EBF1: variants seen among roughly 807,000 people sequenced by gnomAD.
EBF1 encodes EBF transcription factor 1.
Under a neutral mutation model 68.4 loss-of-function variants are expected in EBF1, and 10 were observed. The ratio of observed to expected loss-of-function variants is 0.15; its 90% CI spans 0.09 to 0.25. EBF1 has a LOEUF of 0.25. Among genes scored for constraint, EBF1 ranks in the 10% least tolerant of loss-of-function variants. The pLI, the probability that EBF1 is intolerant of heterozygous loss-of-function variation, is 1.00. For missense variants in EBF1, 509 were observed against 794.4 expected, an observed-to-expected ratio of 0.64 and a Z score of 4.32; for synonymous variants, 298 against 299.8, an observed-to-expected ratio of 0.99 and a Z score of 0.06.
intron 6 of EBF1, among the ~76,000 whole-genome samples, chr5:158,871,830 C>T (rs1582762811): frequency 6.6e-6 from 1 of 152,288 alleles, no homozygotes; most frequent in African/African-American, 2.4e-5. Flanking sequence ...AGGATCTCTT[C>T]CTACAGCAAT....
intron 9 of EBF1, among the ~76,000 whole-genome samples, chr5:158,794,655 C>T (rs1395065699): frequency 3.3e-5 from 5 of 152,182 alleles, no homozygotes; most frequent in East Asian, 3.9e-4. Flanking sequence ...ACAAGGAGTC[C>T]GTATTATATT....
intron 6 of EBF1, among the ~76,000 whole-genome samples, chr5:159,043,220 T>A (rs192742845): frequency 6.6e-6 from 1 of 152,184 alleles, no homozygotes. Context: ...CTTGGAACCC[T>A]TGTCCATCTG....
chr5:159,027,231 A>T (rs990021890), intron 6 of EBF1, among the ~76,000 whole-genome samples: 4 of 152,202 alleles, frequency 2.6e-5, no homozygotes, highest in Non-Finnish European at 5.9e-5. Flanking sequence ...GTGCTAGTTC[A>T]CACTGATGAC....
At position 159,096,246 on chromosome 5, in the gene EBF1, A is replaced by G. The variant is rs2128008029; in HGVS notation, c.355+97T>C. ...TCACCTCAAATAAAGCGGATGACTG[A>G]CCTTCGCTGGAGGATTTCGTCCACC... On this transcript the variant is annotated intron_variant, in intron 3 of 15. Transcript: ENST00000313708. 5 of 1,296,346 alleles carry G rather than the reference A, an allele frequency of 3.9e-6. No individual in the cohort carries two copies. The East Asian group carries it at 1.2e-4, about 32-fold the overall frequency. 80.3% of individuals were successfully genotyped at this position (1,296,346 alleles called of 1,614,324 possible). A position where few individuals can be genotyped will look rare whatever the true frequency, so the allele number is the denominator to read the frequency against.
chr5:158,983,823 G>T (rs1490228501), intron 6 of EBF1: 1 of 151,686 alleles, frequency 6.6e-6, no homozygotes, highest in African/African-American at 2.4e-5. Flanking sequence ...CCAGGCCTAG[G>T]ATAGTAATTT....
intron 6 of EBF1, among the ~76,000 whole-genome samples, chr5:158,841,510 G>A (rs948936457): frequency 1.3e-5 from 2 of 152,192 alleles, no homozygotes; most frequent in Admixed American, 1.3e-4. Flanking sequence ...CTGAATTCTT[G>A]TTGTAATTCA....
At chr5:158,899,770 A>G (rs1172688079) in intron 6 of EBF1, among the ~76,000 whole-genome samples, 1 of 152,310 alleles carries the variant, frequency 6.6e-6, no homozygotes, top group South Asian at 2.1e-4. Flanking sequence ...TATTGAATGG[A>G]ATATTCTAAA....
intron 10 of EBF1, among the ~76,000 whole-genome samples, chr5:158,737,333 G>C (rs1765427000): frequency 7.5e-6 from 1 of 132,978 alleles, no homozygotes; most frequent in Admixed American, 8.6e-5. Flanking sequence ...GCCCAGGGTG[G>C]AGTGCAGTGG....
At chr5:158,772,401 C>G (rs1456404943) in intron 10 of EBF1, among the ~76,000 whole-genome samples, 1 of 152,100 alleles carries the variant, frequency 6.6e-6, no homozygotes, top group Non-Finnish European at 1.5e-5. Context: ...ATAGGCTGTA[C>G]TCCTGTTGCT....
intron 8 of EBF1, among the ~76,000 whole-genome samples, chr5:158,801,194 G>A (rs958861703): frequency 1.3e-5 from 2 of 151,936 alleles, no homozygotes; most frequent in African/African-American, 4.8e-5. Flanking sequence ...AAATGCTCAT[G>A]GCACATTGCA....
chr5:159,005,043 C>A (rs560405219), intron 6 of EBF1, among the ~76,000 whole-genome samples: 9 of 152,134 alleles, frequency 5.9e-5, no homozygotes, highest in African/African-American at 2.2e-4. Context: ...CCAAAGACTG[C>A]AATAGAAAAG....
intron 6 of EBF1, among the ~76,000 whole-genome samples, chr5:159,026,404 A>C (rs1767720808): frequency 6.6e-6 from 1 of 152,200 alleles, no homozygotes; most frequent in African/African-American, 2.4e-5. Flanking sequence ...TTAAGACTAC[A>C]GGAGAAGGAA....
intron 6 of EBF1, among the ~76,000 whole-genome samples, chr5:158,980,554 T>C (rs1390378099): frequency 3.9e-5 from 6 of 152,208 alleles, no homozygotes; most frequent in Non-Finnish European, 4.4e-5. Flanking sequence ...AGAGAACATG[T>C]GTTTATTGAC....
At chr5:158,942,407 A>G (rs1268829262) in intron 6 of EBF1, among the ~76,000 whole-genome samples, 1 of 152,234 alleles carries the variant, frequency 6.6e-6, no homozygotes, top group Non-Finnish European at 1.5e-5. Context: ...TTTTAGCTTT[A>G]CAAAGTTTAT....
intron 10 of EBF1, among the ~76,000 whole-genome samples, chr5:158,774,639 T>A (rs1774687315): frequency 3.3e-5 from 5 of 152,108 alleles, no homozygotes. Flanking sequence ...ACATTTGCAA[T>A]GATCTGAGCA....
intron 6 of EBF1, among the ~76,000 whole-genome samples, chr5:158,901,516 C>A (rs1009626600): frequency 5.0e-4 from 76 of 152,022 alleles, no homozygotes; most frequent in African/African-American, 1.8e-3. Context: ...TTTTTTCATT[C>A]TTCATTCAAC....
At chr5:159,023,712 C>CTTT (rs1304248268) in intron 6 of EBF1, among the ~76,000 whole-genome samples, 4 of 152,224 alleles carry the variant, frequency 2.6e-5, no homozygotes, top group Admixed American at 1.3e-4. Context: ...CCATACCACT[C>CTTT]ACTCTGTTCA....
chr5:158,974,330 G>T (rs1184058008), intron 6 of EBF1, among the ~76,000 whole-genome samples: 1 of 152,198 alleles, frequency 6.6e-6, no homozygotes, highest in African/African-American at 2.4e-5. Context: ...CAGCCTCAAG[G>T]AAGGTAGCCA....
chr5:159,030,288 A>G (rs1440283605), intron 6 of EBF1, among the ~76,000 whole-genome samples: 1 of 152,132 alleles, frequency 6.6e-6, no homozygotes, highest in Admixed American at 6.5e-5. Flanking sequence ...CTGTAATGCA[A>G]TTAAATTACT....
Sources: gnomAD v4.1 joint callset for allele counts (sites outside exome capture counted in the v4.1 genomes callset) on GRCh38, gnomAD v4.1.1 for gene constraint, MANE v1.5 for transcripts, NCBI Gene and HGNC (gene_info 2026-07-23, HGNC 2026-07-21) for gene names.